Variants in SRRM3 observed in about 807,000 individuals in gnomAD.
SRRM3 encodes serine/arginine repetitive matrix protein 3.
Under a neutral mutation model 66.2 loss-of-function variants are expected in SRRM3, and 27 were observed. The observed-to-expected ratio is 0.41, with a 90% CI of 0.30 to 0.56. The LOEUF is 0.56. Ranked by LOEUF, SRRM3 falls within the 20% of genes least tolerant of loss-of-function variation. The pLI, the probability that SRRM3 is intolerant of heterozygous loss-of-function variation, is 0.32. For synonymous variants in SRRM3, 391 were observed against 414.9 expected (o/e 0.94, Z 0.70); for missense variants, 918 against 991.9 (o/e 0.93, Z 1.00).
intron 1 of SRRM3, among the ~76,000 whole-genome samples, chr7:76,208,840 AAAAAAAGAAAG>A (rs1205299080): frequency 9.9e-5 from 15 of 151,368 alleles, no homozygotes; most frequent in Non-Finnish European, 1.6e-4. Flanking sequence ...GACCCTGAAA[AAAAAAAGAAAG>A]AAAAAAGAAA....
chr7:76,204,748 C>T (rs184721600), intron 1 of SRRM3, among the ~76,000 whole-genome samples: 163 of 152,234 alleles, frequency 1.1e-3, no homozygotes, highest in Non-Finnish European at 1.7e-3. Context: ...CCCTTCCCAC[C>T]TCTTGGCCTC....
At chr7:76,222,614 T>C (rs1554603324) in intron 1 of SRRM3, among the ~76,000 whole-genome samples, 1 of 151,898 alleles carries the variant, frequency 6.6e-6, no homozygotes, top group African/African-American at 2.4e-5. Context: ...TGTTTTGTTT[T>C]GTTTTTTTAA....
At position 76,208,854 on chromosome 7, in the gene SRRM3, A is replaced by G. The variant is rs564497129; in HGVS notation, c.-40+6787A>G. On this transcript the variant is annotated intron_variant, in intron 1 of 14. Coordinates refer to ENST00000611745, the MANE Select transcript of SRRM3 (RefSeq NM_001110199.3). ...AGACCCTGAAAAAAAAAAGAAAGAA[A>G]AAAGAAAGAAGAAAGGAAGGAAGGG... Among the ~76,000 whole-genome samples, 24 of 151,536 alleles carry G rather than the reference A, an allele frequency of 1.6e-4. 2 individuals carry two copies. The South Asian group carries it at 3.8e-3, about 24-fold the overall frequency.
chr7:76,269,653 G>A (rs782761143), intron 11 of SRRM3: 3 of 151,992 alleles, frequency 2.0e-5, no homozygotes, highest in East Asian at 1.9e-4. Context: ...CATTTGAAAC[G>A]TGGTAATACT....
At chr7:76,271,666 A>C (rs970489291) in intron 11 of SRRM3, among the ~76,000 whole-genome samples, 6 of 152,116 alleles carry the variant, frequency 3.9e-5, no homozygotes, top group Non-Finnish European at 7.3e-5. Flanking sequence ...ACAACAACAA[A>C]AAATAGACTC....
intron 1 of SRRM3, among the ~76,000 whole-genome samples, chr7:76,211,230 C>T (rs1424708597): frequency 1.3e-5 from 2 of 152,174 alleles, no homozygotes; most frequent in African/African-American, 4.8e-5. Context: ...GAGCCGGCCT[C>T]ACAGATGGAG....
chr7:76,268,037 C>G (rs1189475515), intron 11 of SRRM3: 3 of 151,402 alleles, frequency 2.0e-5, no homozygotes, highest in Non-Finnish European at 4.4e-5. Flanking sequence ...TTCCAGGCAC[C>G]GCCCACACTT....
chr7:76,274,328 A>G (rs182000169), intron 11 of SRRM3, among the ~76,000 whole-genome samples: 6 of 152,328 alleles, frequency 3.9e-5, no homozygotes, highest in Middle Eastern at 6.8e-3. Flanking sequence ...AGGGCTCTGG[A>G]GGAGCAACGG....
intron 3 of SRRM3, among the ~76,000 whole-genome samples, chr7:76,252,174 G>C (rs1554606972): frequency 1.3e-5 from 2 of 152,220 alleles, no homozygotes; most frequent in East Asian, 3.8e-4. Context: ...ACCCACAACA[G>C]TATCTATCGA....
chr7:76,254,980 C>G (rs1801671588), intron 3 of SRRM3, among the ~76,000 whole-genome samples: 1 of 151,796 alleles, frequency 6.6e-6, no homozygotes, highest in Admixed American at 6.6e-5. Flanking sequence ...CCTCTGTCAC[C>G]CCAGAAAAAC....
intron 1 of SRRM3, among the ~76,000 whole-genome samples, chr7:76,221,509 C>T (rs1363885292): frequency 2.0e-5 from 3 of 151,944 alleles, no homozygotes; most frequent in Admixed American, 6.6e-5. Context: ...ACTACAGGCG[C>T]CCACCACCAC....
At chr7:76,279,802 A>G (rs1389904745) in intron 11 of SRRM3, among the ~76,000 whole-genome samples, 1 of 152,016 alleles carries the variant, frequency 6.6e-6, no homozygotes, top group Non-Finnish European at 1.5e-5. Context: ...TCTGTGTCCC[A>G]ATCCTTGTGT....
chr7:76,261,368 C>G lies in SRRM3; in HGVS notation c.592C>G (p.Pro198Ala). Residue 198 changes from proline (P) to alanine (A), a missense_variant, in exon 7 of 15, where the codon CCC (proline) becomes GCC (alanine). Transcript: ENST00000611745. Reference sequence around the variant, plus strand: ...TGTCCACAGCTGTGGGAGCTCCTCACCCCTCCGCAAGAAGAAGAAGAGTGT... The same window carrying G: ...TGTCCACAGCTGTGGGAGCTCCTCAGCCCTCCGCAAGAAGAAGAAGAGTGT... Reference protein sequence around the residue: ...ESECSCGSSSPLRKKKKSVKK... With the variant: ...ESECSCGSSSALRKKKKSVKK... 6.3e-7 allele frequency: 1 copy of G among 1,585,076 alleles called. No homozygotes were observed. Among genetic ancestry groups the G allele is most frequent in the Non-Finnish European group, 8.6e-7 (1 of 1,164,844 alleles).
intron 2 of SRRM3, among the ~76,000 whole-genome samples, chr7:76,235,734 G>T (rs1410642409): frequency 6.6e-6 from 1 of 151,708 alleles, no homozygotes; most frequent in East Asian, 1.9e-4. Context: ...AGCTGGGCGC[G>T]GTGTCTTACA....
At chr7:76,255,124 TTTTCTTTCTTTC>T (rs377584837) in intron 3 of SRRM3, among the ~76,000 whole-genome samples, 5 of 139,586 alleles carry the variant, frequency 3.6e-5, no homozygotes, top group African/African-American at 1.2e-4. Flanking sequence ...TTATTTTTCC[TTTTCTTTCTTTC>T]TTTCTTTCTT....
rs1802671152 is a variant in SRRM3 at position 76,286,195 on chromosome 7, A to T, written c.*352A>T. The T allele has an allele frequency of 2.8e-6, 1 of 351,810 alleles. No homozygotes were observed. Among genetic ancestry groups the T allele is most frequent in the Non-Finnish European group, 5.5e-6 (1 of 181,720 alleles). 21.8% of individuals were successfully genotyped at this position (351,810 alleles called of 1,614,324 possible). On this transcript the variant is annotated 3_prime_UTR_variant, in exon 15 of 15. Transcript: ENST00000611745. ...CCGGTGGATGGTACCAGAGTCCATG[A>T]TCTGCTCTGTCACTTCACCTTAGCT... is the stretch of plus-strand genomic sequence containing the variant.
At chr7:76,265,853 TATA>T (rs1475401296) in intron 10 of SRRM3, among the ~76,000 whole-genome samples, 503 of 11,832 alleles carry the variant, frequency 0.043, 21 homozygotes, top group East Asian at 0.098. Context: ...TATATATATA[TATA>T]TATTTTTTTT....
At chr7:76,272,259 G>C (rs1033446335) in intron 11 of SRRM3, among the ~76,000 whole-genome samples, 3 of 152,154 alleles carry the variant, frequency 2.0e-5, no homozygotes, top group African/African-American at 7.2e-5. Context: ...AGTCTCTAGC[G>C]TTAGAAGTTT....
rs568439605 is a variant in SRRM3, at chr7:76,236,083, C to T, written c.233+784C>T. On this transcript the variant is annotated intron_variant, in intron 2 of 14. Coordinates refer to ENST00000611745, the MANE Select transcript of SRRM3 (RefSeq NM_001110199.3). ...ATCTCAGCACTTTGGGAGGCCGAGGCGGGTGGATCACAAGGTTGGGAATTC... is the reference window on the plus strand; with the variant it reads ...ATCTCAGCACTTTGGGAGGCCGAGGTGGGTGGATCACAAGGTTGGGAATTC... Among the ~76,000 whole-genome samples, 22 of 144,262 alleles carry T rather than the reference C, an allele frequency of 1.5e-4. 1 individual carries two copies. Among genetic ancestry groups the T allele is most frequent in the South Asian group, 1.1e-3 (5 of 4,574 alleles). The allele number at this position is 144,262 out of a possible 152,430, so 94.6% of individuals were successfully genotyped here.
Sources: allele counts gnomAD v4.1 joint callset (sites outside exome capture counted in the v4.1 genomes callset), GRCh38; gene constraint gnomAD v4.1.1; transcripts MANE v1.5; gene names NCBI Gene and HGNC (gene_info 2026-07-23, HGNC 2026-07-21).